The following DDX28 variants were observed in gnomAD, a reference collection of about 807,000 sequenced individuals.
The protein encoded by DDX28 is probable ATP-dependent RNA helicase DDX28.
A neutral mutation model predicts 26.8 loss-of-function variants in DDX28; 25 were observed. The ratio of observed to expected loss-of-function variants is 0.93; its 90% confidence interval spans 0.68 to 1.30. The LOEUF (loss-of-function observed/expected upper bound fraction) is 1.30. DDX28 is among the 50% of genes most tolerant of loss of function. DDX28 has a pLI of 0.00. For synonymous variants in DDX28, 370 were observed against 311.9 expected (o/e 1.19, Z -1.96); for missense variants, 790 against 695.1 (o/e 1.14, Z -1.53).
In DDX28 at chr16:68,021,227, G is replaced by A. The variant is rs1439984427; in HGVS notation, c.*353C>T. ...GAAAACATCAACTGAAAGAGCCTTT[G>A]TCCTAGATGTGGAGGTTTGGTGTAT... On this transcript the variant is annotated 3_prime_UTR_variant, in exon 1 of 1. Coordinates refer to ENST00000332395, the MANE Select transcript of DDX28 (RefSeq NM_018380.4). The A allele has an allele frequency of 7.6e-6, 2 of 263,938 alleles. No homozygotes were observed. Among genetic ancestry groups the A allele is most frequent in the Non-Finnish European group, 1.5e-5 (2 of 136,282 alleles). 16.3% of individuals were successfully genotyped at this position (263,938 alleles called of 1,614,324 possible).
chr16:68,023,213 G>T lies in DDX28; in HGVS notation c.-11C>A, dbSNP rs751265571. 1.6e-5 allele frequency: 25 copies of T among 1,603,110 alleles called. No individual in the cohort carries two copies. The highest frequency in any genetic ancestry group is 2.1e-5 in the Non-Finnish European group (25 of 1,174,430). ...CCGCGTTAGAGCCATGTTTCCCTTA[G>T]TGCGGGAGAAGCGCACATCAGTGAC... On this transcript the variant is annotated 5_prime_UTR_variant, in exon 1 of 1. Transcript: ENST00000332395.
chr16:68,023,024 A>G lies in DDX28; in HGVS notation c.179T>C (p.Val60Ala). ...CAGCAGCGGTCCGGGTCGAACCAGC[A>G]CCGGCCTCGGGAGGTTCCGCCGCCT... ...QSRRRNLPRP[V>A]LVRPGPLLVS... The change falls in exon 1 of 1, where the codon GTG (valine) becomes GCG (alanine). Residue 60 changes from valine to alanine, a missense_variant. By Grantham distance (64) the Val-to-Ala change is moderately conservative. Coordinates refer to ENST00000332395, the MANE Select transcript of DDX28 (RefSeq NM_018380.4). The G allele has an allele frequency of 1.3e-6, 2 of 1,584,586 alleles. No individual in the cohort carries two copies. Among genetic ancestry groups the G allele is most frequent in the Non-Finnish European group, 1.7e-6 (2 of 1,173,656 alleles).
Position 68,022,409 on chromosome 16 carries a change from G to C in DDX28, c.794C>G (p.Ala265Gly), listed in dbSNP as rs767705361. ...SADVLVATPG[A>G]LWKALKSRLI... ...TCGACTTTTCAGGGCCTTCCACAGA[G>C]CCCCTGGAGTGGCCACAAGCACATC... The change falls in exon 1 of 1, where the codon GCT (alanine) becomes GGT (glycine). Residue 265 changes from alanine to glycine, a missense_variant. Coordinates refer to ENST00000332395, the MANE Select transcript of DDX28 (RefSeq NM_018380.4). 1 of 1,614,032 alleles carries C rather than the reference G, an allele frequency of 6.2e-7. No individual in the cohort carries two copies. Among genetic ancestry groups the C allele is most frequent in the South Asian group, 1.1e-5 (1 of 91,086 alleles).
At position 68,022,465 on chromosome 16, in the gene DDX28, G is replaced by C; in HGVS notation, c.738C>G (p.Ile246Met). The C allele has an allele frequency of 6.2e-7, 1 of 1,613,900 alleles. No homozygotes were observed. Among genetic ancestry groups the C allele is most frequent in the Non-Finnish European group, 8.5e-7 (1 of 1,180,030 alleles). The stretch of plus-strand genomic sequence containing the variant: ...AAGGCTGTCTGGACAGCTGCAGCCT[G>C]ATCCTACGCATGCCGTGGCCTCCCT... ...DLEGGHGMRR[I>M]RLQLSRQPSA... The change falls in exon 1 of 1, where the codon ATC becomes ATG. Residue 246 changes from isoleucine to methionine, a missense_variant. Physicochemically the swap from Ile to Met is conservative, Grantham distance 10. Coordinates refer to ENST00000332395, the MANE Select transcript of DDX28 (RefSeq NM_018380.4).
chr16:68,023,003 AGCGGTCC>A lies in DDX28; in HGVS notation c.193_199del (p.Gly65CysfsTer10), dbSNP rs1239415179. 13 of 1,570,098 alleles carry A rather than the reference AGCGGTCC, an allele frequency of 8.3e-6. No homozygotes were observed. The highest frequency in any genetic ancestry group is 1.1e-5 in the Non-Finnish European group (13 of 1,166,442). The stretch of plus-strand genomic sequence containing the variant: ...CTCCGGCCGCCGCGCCGAAACCAGC[AGCGGTCC>A]GGGTCGAACCAGCACCGGCCTCGGG... On this transcript the variant is annotated frameshift_variant, in exon 1 of 1. Transcript: ENST00000332395. LOFTEE classifies it low-confidence loss of function (END_TRUNC).
Position 68,022,285 on chromosome 16 carries a change from C to T in DDX28, c.918G>A (p.Lys306=), listed in dbSNP as rs2033256371. 4.3e-6 allele frequency: 7 copies of T among 1,614,212 alleles called. No individual in the cohort carries two copies. The highest frequency in any genetic ancestry group is 5.9e-6 in the Non-Finnish European group (7 of 1,180,028). The change falls in exon 1 of 1, where the codon AAG becomes AAA. Residue 306 remains lysine, a synonymous_variant. Coordinates refer to ENST00000332395, the MANE Select transcript of DDX28 (RefSeq NM_018380.4). ...CAGCTGGGCCTTCTGCTATGTGGCT[C>T]TTCTCTAAGATGTAGTCCACCAGTT... ...FLELVDYILE[K]SHIAEGPADL...
In DDX28 at chr16:68,021,069, C is replaced by G. The variant is rs550177091; in HGVS notation, c.*511G>C. On this transcript the variant is annotated 3_prime_UTR_variant, in exon 1 of 1. Coordinates refer to ENST00000332395, the MANE Select transcript of DDX28 (RefSeq NM_018380.4). ...GTACCTTCCAGAGATTTCGCCAAGA[C>G]GCCCGTTTGTCTTGGGCATTGTTAG... is the stretch of plus-strand genomic sequence containing the variant. Among the ~76,000 whole-genome samples, 1 of 151,744 alleles carries G rather than the reference C, an allele frequency of 6.6e-6. No individual in the cohort carries two copies. The highest frequency in any genetic ancestry group is 2.4e-5 in the African/African-American group (1 of 41,264).
Position 68,021,870 on chromosome 16 carries a change from T to TCTGGAAGGA in DDX28, c.1324_1332dup (p.Ser442_Gln444dup). ...CAGAGAAGTATGTCTCGGGAGCTCT[T>TCTGGAAGGA]CTGGAAGGACTGGAAGATTCCTACC... On this transcript the variant is annotated inframe_insertion, in exon 1 of 1. Transcript: ENST00000332395. 6.2e-7 allele frequency: 1 copy of TCTGGAAGGA among 1,614,176 alleles called. No individual in the cohort carries two copies. Among genetic ancestry groups the TCTGGAAGGA allele is most frequent in the Non-Finnish European group, 8.5e-7 (1 of 1,180,034 alleles).
In DDX28 at chr16:68,022,897, C is replaced by G. The variant is rs746964562; in HGVS notation, c.306G>C (p.Ala102=). The change falls in exon 1 of 1, where the codon GCG becomes GCC. Residue 102 remains alanine (A), a synonymous_variant. Coordinates refer to ENST00000332395, the MANE Select transcript of DDX28 (RefSeq NM_018380.4). ...GCTCGATGGAGAAGTGGTCCCGACGCGCGCGTCGACTCTTCCAGCCTTGAG... is the reference window on the plus strand; with the variant it reads ...GCTCGATGGAGAAGTGGTCCCGACGGGCGCGTCGACTCTTCCAGCCTTGAG... ...LASQGWKSRR[A]RRDHFSIERA... 6.4e-7 allele frequency: 1 copy of G among 1,560,884 alleles called. No individual in the cohort carries two copies. The highest frequency in any genetic ancestry group is 8.7e-7 in the Non-Finnish European group (1 of 1,154,876).
rs372088574 is a variant in DDX28, at chr16:68,022,739, T to C, written c.464A>G (p.Gln155Arg). The part of the protein sequence containing the change: ...APEVVQPTTV[Q>R]SSTIPSLLRG... ...AAGTAGTGAGGGGATGGTGCTAGAC[T>C]GCACGGTTGTGGGCTGAACGACTTC... Residue 155 changes from glutamine to arginine, a missense_variant, in exon 1 of 1, where the codon CAG (glutamine) becomes CGG (arginine). Physicochemically the swap from Gln to Arg is conservative, Grantham distance 43 (BLOSUM62 1). Coordinates refer to ENST00000332395, the MANE Select transcript of DDX28 (RefSeq NM_018380.4). The C allele has an allele frequency of 2.7e-5, 44 of 1,612,926 alleles. No homozygotes were observed. Among genetic ancestry groups the C allele is most frequent in the Non-Finnish European group, 3.5e-5 (41 of 1,179,838 alleles).
Position 68,022,425 on chromosome 16 carries a change from C to A in DDX28, c.778G>T (p.Val260Leu), listed in dbSNP as rs752700321. The change falls in exon 1 of 1, where the codon GTG becomes TTG. Residue 260 changes from valine to leucine, a missense_variant. Physicochemically the swap from Val to Leu is conservative, Grantham distance 32. Transcript: ENST00000332395. ...LSRQPSADVL[V>L]ATPGALWKAL... Reference sequence around the variant, plus strand: ...TTCCACAGAGCCCCTGGAGTGGCCACAAGCACATCTGCTGAAGGCTGTCTG... The same window carrying A: ...TTCCACAGAGCCCCTGGAGTGGCCAAAAGCACATCTGCTGAAGGCTGTCTG... The A allele has an allele frequency of 1.9e-5, 30 of 1,614,046 alleles. No individual in the cohort carries two copies. The highest frequency in any genetic ancestry group is 2.4e-5 in the Non-Finnish European group (28 of 1,180,048).
At position 68,023,155 on chromosome 16, in the gene DDX28, C is replaced by G. The variant is rs1598295454; in HGVS notation, c.48G>C (p.Leu16Phe). 6.2e-7 allele frequency: 1 copy of G among 1,608,004 alleles called. No homozygotes were observed. Reference sequence around the variant, plus strand: ...TGAGGCCCCGTCGCGGCGCCAGGAGCAACCGAGTCACGAGGGAAAAGAGCC... The same window carrying G: ...TGAGGCCCCGTCGCGGCGCCAGGAGGAACCGAGTCACGAGGGAAAAGAGCC... ...PVRLFSLVTR[L>F]LLAPRRGLTV... Residue 16 changes from leucine to phenylalanine, a missense_variant, in exon 1 of 1, where the codon TTG becomes TTC. Coordinates refer to ENST00000332395, the MANE Select transcript of DDX28 (RefSeq NM_018380.4).
chr16:68,022,503 CCAG>C lies in DDX28; in HGVS notation c.697_699del (p.Leu233del). On this transcript the variant is annotated inframe_deletion, in exon 1 of 1. Coordinates refer to ENST00000332395, the MANE Select transcript of DDX28 (RefSeq NM_018380.4). ...CCGTGGCCTCCCTCCAGGTCCCGCA[CCAG>C]CAGGCCCAAGGAGCGGCCCAAGGGT... is the stretch of plus-strand genomic sequence containing the variant. 6.2e-7 allele frequency: 1 copy of C among 1,613,934 alleles called. No homozygotes were observed. The highest frequency in any genetic ancestry group is 1.1e-5 in the South Asian group (1 of 91,086).
chr16:68,021,922 C>A lies in DDX28; in HGVS notation c.1281G>T (p.Leu427Phe). 2 of 1,614,216 alleles carry A rather than the reference C, an allele frequency of 1.2e-6. No homozygotes were observed. The highest frequency in any genetic ancestry group is 1.7e-6 in the Non-Finnish European group (2 of 1,180,044). ...LDDHKIQHLRLQGQMPALMRV... is the reference protein window; with the variant it reads ...LDDHKIQHLRFQGQMPALMRV... ...TCATCAAGGCTGGCATTTGCCCCTG[C>A]AACCTTAGGTGTTGGATTTTGTGGT... Residue 427 changes from leucine (L) to phenylalanine (F), a missense_variant, in exon 1 of 1, where the codon TTG becomes TTT. Leu to Phe is a conservative substitution (Grantham distance 22, BLOSUM62 0). Transcript: ENST00000332395.
In DDX28 at chr16:68,021,259, T is replaced by C; in HGVS notation, c.*321A>G. 3.1e-6 allele frequency: 1 copy of C among 324,458 alleles called. No individual in the cohort carries two copies. The highest frequency in any genetic ancestry group is 2.1e-5 in the African/African-American group (1 of 46,748). The allele number at this position is 324,458 out of a possible 1,614,324, so 20.1% of individuals were successfully genotyped here. On this transcript the variant is annotated 3_prime_UTR_variant, in exon 1 of 1. Coordinates refer to ENST00000332395, the MANE Select transcript of DDX28 (RefSeq NM_018380.4). ...ATGTGGAGGTTTGGTGTATGAATCC[T>C]CAGAAACTACTGAATTCCGCCCCGG... is the stretch of plus-strand genomic sequence containing the variant.
At position 68,023,161 on chromosome 16, in the gene DDX28, A is replaced by C; in HGVS notation, c.42T>G (p.Thr14=). ...CCCGTCGCGGCGCCAGGAGCAACCGAGTCACGAGGGAAAAGAGCCGCACCG... is the reference window on the plus strand; with the variant it reads ...CCCGTCGCGGCGCCAGGAGCAACCGCGTCACGAGGGAAAAGAGCCGCACCG... The part of the protein sequence containing the change: ...TRPVRLFSLV[T]RLLLAPRRGL... The change falls in exon 1 of 1, where the codon ACT becomes ACG. Residue 14 remains threonine, a synonymous_variant. Transcript: ENST00000332395. 6.2e-7 allele frequency: 1 copy of C among 1,608,750 alleles called. No individual in the cohort carries two copies. The highest frequency in any genetic ancestry group is 8.5e-7 in the Non-Finnish European group (1 of 1,179,692).
At position 68,022,900 on chromosome 16, in the gene DDX28, G is replaced by A. The variant is rs2033272629; in HGVS notation, c.303C>T (p.Arg101=). The A allele has an allele frequency of 1.3e-6, 2 of 1,560,810 alleles. No homozygotes were observed. Among genetic ancestry groups the A allele is most frequent in the Non-Finnish European group, 1.7e-6 (2 of 1,154,880 alleles). Residue 101 remains arginine (R), a synonymous_variant, in exon 1 of 1, where the codon CGC becomes CGT. Transcript: ENST00000332395. ...CGATGGAGAAGTGGTCCCGACGCGCGCGTCGACTCTTCCAGCCTTGAGAGG... is the reference window on the plus strand; with the variant it reads ...CGATGGAGAAGTGGTCCCGACGCGCACGTCGACTCTTCCAGCCTTGAGAGG... ...PLASQGWKSR[R]ARRDHFSIER...
At position 68,022,395 on chromosome 16, in the gene DDX28, G is replaced by T. The variant is rs1353326405; in HGVS notation, c.808C>A (p.Leu270Met). ...VATPGALWKALKSRLISLEQL... is the reference protein window; with the variant it reads ...VATPGALWKAMKSRLISLEQL... ...TCCAGACTGATCAGTCGACTTTTCA[G>T]GGCCTTCCACAGAGCCCCTGGAGTG... The change falls in exon 1 of 1, where the codon CTG becomes ATG. Residue 270 changes from leucine to methionine, a missense_variant. Coordinates refer to ENST00000332395, the MANE Select transcript of DDX28 (RefSeq NM_018380.4). The T allele has an allele frequency of 6.2e-7, 1 of 1,614,018 alleles. No homozygotes were observed. The highest frequency in any genetic ancestry group is 1.7e-5 in the Admixed American group (1 of 60,006).
rs1162020381 is a variant in DDX28 at position 68,021,219 on chromosome 16, G to A, written c.*361C>T. ...TTATAAATGAAAACATCAACTGAAA[G>A]AGCCTTTGTCCTAGATGTGGAGGTT... On this transcript the variant is annotated 3_prime_UTR_variant, in exon 1 of 1. Transcript: ENST00000332395. 1 of 227,650 alleles carries A rather than the reference G, an allele frequency of 4.4e-6. No homozygotes were observed. The highest frequency in any genetic ancestry group is 8.7e-6 in the Non-Finnish European group (1 of 114,542). 14.1% of individuals were successfully genotyped at this position (227,650 alleles called of 1,614,324 possible).
Sources: allele counts gnomAD v4.1 joint callset (sites outside exome capture counted in the v4.1 genomes callset), GRCh38; gene constraint gnomAD v4.1.1; transcripts MANE v1.5; gene names NCBI Gene and HGNC (gene_info 2026-07-23, HGNC 2026-07-21).